The following NIBAN1 variants were observed in gnomAD, a reference collection of about 807,000 sequenced individuals.
NIBAN1 encodes the protein niban apoptosis regulator 1, also known as protein Niban 1.
In NIBAN1, 81 loss-of-function variants were observed where a neutral mutation model predicts 75.1. That is an observed-to-expected ratio of 1.08 (90% CI 0.90 to 1.30). NIBAN1 has a LOEUF of 1.30. NIBAN1 is among the 50% of genes most tolerant of loss of function. The probability of loss-of-function intolerance (pLI) is 0.00; values close to 1 mark genes in which losing one functional copy is unlikely to be tolerated. For missense variants in NIBAN1, 1,133 were observed against 1,128.1 expected (o/e 1.00, Z -0.06); for synonymous variants, 436 against 424.8 (o/e 1.03, Z -0.32).
In NIBAN1 at chr1:184,974,376, T is replaced by C. The variant is rs1206781360; in HGVS notation, c.-20A>G. ...GCCCATGACCGCGAGCTGCCTGTGC[T>C]GAGCGCGGAAACTGCCCGGTCCGCG... On this transcript the variant is annotated 5_prime_UTR_variant, in exon 1 of 14. Transcript: ENST00000367511. 1 of 1,547,700 alleles carries C rather than the reference T, an allele frequency of 6.5e-7. No individual in the cohort carries two copies.
chr1:184,883,251 C>A (rs1001863617), intron 5 of NIBAN1, among the ~76,000 whole-genome samples: 2 of 152,228 alleles, frequency 1.3e-5, no homozygotes, highest in Non-Finnish European at 2.9e-5. Flanking sequence ...AAGTTCGGCA[C>A]TCCTTTCTTC....
intron 1 of NIBAN1, among the ~76,000 whole-genome samples, chr1:184,969,135 G>A (rs1314581178): frequency 1.3e-5 from 2 of 152,182 alleles, no homozygotes; most frequent in Non-Finnish European, 2.9e-5. Flanking sequence ...TTTATTATGG[G>A]AGTTCATGTG....
At chr1:184,914,801 C>A (rs1293660436) in intron 1 of NIBAN1, among the ~76,000 whole-genome samples, 1 of 151,286 alleles carries the variant, frequency 6.6e-6, no homozygotes, top group Non-Finnish European at 1.5e-5. Context: ...CAGCTCACTG[C>A]AACCTCTGCC....
At chr1:184,817,651 G>A (rs1018688349) in intron 9 of NIBAN1, among the ~76,000 whole-genome samples, 1 of 152,162 alleles carries the variant, frequency 6.6e-6, no homozygotes, top group Non-Finnish European at 1.5e-5. Context: ...TCATGTGTCT[G>A]TTGGCTACAT....
intron 5 of NIBAN1, among the ~76,000 whole-genome samples, chr1:184,856,992 C>A (rs1186173500): frequency 6.6e-6 from 1 of 152,054 alleles, no homozygotes; most frequent in Non-Finnish European, 1.5e-5. Flanking sequence ...AAGAGCGTGA[C>A]CCAAAGCACA....
rs1658122614 is a variant in NIBAN1 at position 184,942,688 on chromosome 1, C to G, written c.55+31614G>C. 2.3e-5 allele frequency among the ~76,000 whole-genome samples: 3 copies of G among 129,524 alleles called. No individual in the cohort carries two copies. The Admixed American group carries it at 2.4e-4, about 11-fold the overall frequency. The allele number at this position is 129,524 out of a possible 152,430, so 85.0% of individuals were successfully genotyped here. A position where few individuals can be genotyped will look rare whatever the true frequency, so the allele number is the denominator to read the frequency against. On this transcript the variant is annotated intron_variant, in intron 1 of 13. Coordinates refer to ENST00000367511, the MANE Select transcript of NIBAN1 (RefSeq NM_052966.4). ...CGGCCTGGGCGACAGAGCGAGACTC[C>G]GTCTCAAAAAAAAAAAAAAAAAAAA...
At chr1:184,922,343 TTCTA>T (rs1453880970) in intron 1 of NIBAN1, among the ~76,000 whole-genome samples, 1 of 152,170 alleles carries the variant, frequency 6.6e-6, no homozygotes, top group African/African-American at 2.4e-5. Flanking sequence ...ATCTTATTCA[TTCTA>T]TCTAACTACA....
chr1:184,820,966 T>C (rs542799370), intron 8 of NIBAN1, among the ~76,000 whole-genome samples: 1 of 152,338 alleles, frequency 6.6e-6, no homozygotes, highest in East Asian at 1.9e-4. Context: ...CCCCCGACAC[T>C]AGACCTGTGC....
At chr1:184,882,689 C>G (rs971389926) in intron 5 of NIBAN1, among the ~76,000 whole-genome samples, 3 of 152,096 alleles carry the variant, frequency 2.0e-5, no homozygotes, top group Non-Finnish European at 4.4e-5. Flanking sequence ...AGAGAAAGTC[C>G]TATTATGTAC....
At chr1:184,954,384 C>T (rs1175548584) in intron 1 of NIBAN1, among the ~76,000 whole-genome samples, 1 of 152,198 alleles carries the variant, frequency 6.6e-6, no homozygotes, top group African/African-American at 2.4e-5. Context: ...CATATCTTTC[C>T]ATCCCTTTAA....
chr1:184,795,807 C>G lies in NIBAN1; in HGVS notation c.1957G>C (p.Glu653Gln). The G allele has an allele frequency of 6.2e-7, 1 of 1,610,420 alleles. No individual in the cohort carries two copies. ...TCCACTCTTGAAATAATCACCTGCT[C>G]AGTCCCATCTGGGGGTGGGCTTGGC... The part of the protein sequence containing the change: ...PGPSPPPDGT[E>Q]QVIISRVDDP... Residue 653 changes from glutamate (E) to glutamine (Q), a missense_variant, in exon 14 of 14, where the codon GAG becomes CAG. Transcript: ENST00000367511.
intron 1 of NIBAN1, among the ~76,000 whole-genome samples, chr1:184,949,248 C>T (rs1023809806): frequency 2.0e-5 from 3 of 152,118 alleles, no homozygotes; most frequent in Non-Finnish European, 4.4e-5. Context: ...GTCCCAGCTA[C>T]GTGGGAGGCT....
chr1:184,952,569 A>T (rs1658385705), intron 1 of NIBAN1, among the ~76,000 whole-genome samples: 1 of 152,226 alleles, frequency 6.6e-6, no homozygotes, highest in African/African-American at 2.4e-5. Context: ...AATGAGCTAA[A>T]AAAGAAAATT....
At chr1:184,865,814 G>T (rs1655941219) in intron 5 of NIBAN1, among the ~76,000 whole-genome samples, 1 of 152,074 alleles carries the variant, frequency 6.6e-6, no homozygotes, top group Non-Finnish European at 1.5e-5. Context: ...AAACACAAAT[G>T]ATAGTAGGCG....
chr1:184,942,284 T>G (rs191749916), intron 1 of NIBAN1, among the ~76,000 whole-genome samples: 1 of 152,276 alleles, frequency 6.6e-6, no homozygotes, highest in African/African-American at 2.4e-5. Flanking sequence ...ATTAAAGTTA[T>G]ACTTTTTTAG....
At chr1:184,901,764 G>A (rs1296919616) in intron 1 of NIBAN1, among the ~76,000 whole-genome samples, 1 of 152,178 alleles carries the variant, frequency 6.6e-6, no homozygotes, top group Non-Finnish European at 1.5e-5. Context: ...TGCTTCTGGT[G>A]AGGTGCCATA....
chr1:184,931,608 T>G (rs1047567706), intron 1 of NIBAN1, among the ~76,000 whole-genome samples: 2 of 152,268 alleles, frequency 1.3e-5, no homozygotes, highest in African/African-American at 4.8e-5. Context: ...ACCACAATTC[T>G]GTATTTTATT....
At chr1:184,833,309 A>G (rs1350765627) in intron 5 of NIBAN1, among the ~76,000 whole-genome samples, 1 of 150,616 alleles carries the variant, frequency 6.6e-6, no homozygotes, top group Non-Finnish European at 1.5e-5. Context: ...TCAGGAACTG[A>G]GAAAAGAGAA....
chr1:184,844,011 T>G (rs1322406532), intron 5 of NIBAN1, among the ~76,000 whole-genome samples: 1 of 152,214 alleles, frequency 6.6e-6, no homozygotes, highest in African/African-American at 2.4e-5. Flanking sequence ...TAAAGCAAGC[T>G]TGACTGTTCA....
Sources: allele counts gnomAD v4.1 joint callset (sites outside exome capture counted in the v4.1 genomes callset), GRCh38; gene constraint gnomAD v4.1.1; transcripts MANE v1.5; gene names NCBI Gene and HGNC (gene_info 2026-07-23, HGNC 2026-07-21).